AGBL1: variants seen among roughly 807,000 people sequenced by gnomAD.
The protein encoded by AGBL1 is AGBL carboxypeptidase 1, also known as cytosolic carboxypeptidase 4.
In AGBL1, 130 loss-of-function variants were observed where a neutral mutation model predicts 118.9. The ratio of observed to expected loss-of-function variants is 1.09; its 90% CI spans 0.95 to 1.26. The LOEUF (loss-of-function observed/expected upper bound fraction) is 1.26. AGBL1 is among the 50% of genes most tolerant of loss of function. AGBL1 has a pLI of 0.00. For missense variants in AGBL1, 1,584 were observed against 1,298.1 expected (o/e 1.22, Z -3.38); for synonymous variants, 555 against 478.9 (o/e 1.16, Z -2.08).
At chr15:86,608,337 G>A (rs1263646727) in intron 21 of AGBL1, among the ~76,000 whole-genome samples, 1 of 152,180 alleles carries the variant, frequency 6.6e-6, no homozygotes, top group South Asian at 2.1e-4. Flanking sequence ...GCAGAGAAGA[G>A]GGACTGCTCT....
chr15:86,641,778 C>A (rs2447255), intron 21 of AGBL1, among the ~76,000 whole-genome samples: 134,955 of 151,832 alleles, frequency 0.89, 60,155 homozygotes, highest in East Asian at 1. Flanking sequence ...CCTAAAAAAA[C>A]CCCACAGCTT....
chr15:86,325,110 T>C (rs2141850522), intron 17 of AGBL1, among the ~76,000 whole-genome samples: 1 of 152,248 alleles, frequency 6.6e-6, no homozygotes, highest in South Asian at 2.1e-4. Context: ...GTTTTAGAAA[T>C]GTGTCTCTTC....
At chr15:86,900,210 G>A (rs2080191565) in intron 22 of AGBL1, among the ~76,000 whole-genome samples, 1 of 152,130 alleles carries the variant, frequency 6.6e-6, no homozygotes, top group Non-Finnish European at 1.5e-5. Context: ...TCCTCAGCTT[G>A]TGGATGGCCT....
chr15:86,510,038 C>T (rs944130150), intron 18 of AGBL1, among the ~76,000 whole-genome samples: 4 of 151,214 alleles, frequency 2.6e-5, no homozygotes, highest in African/African-American at 4.9e-5. Flanking sequence ...TCCAGAATTC[C>T]AAGATGACTC....
Position 86,266,974 on chromosome 15 carries a change from C to G in AGBL1, c.1752-16C>G. On this transcript the variant is annotated splice_polypyrimidine_tract_variant and intron_variant, in intron 12 of 22. Coordinates refer to ENST00000614907, the MANE Select transcript of AGBL1 (RefSeq NM_001386094.1). ...GTGATAACACATATGTTCACATGTTCCTTATTTCATTGTAGGCCTTTGCAA... is the reference window on the plus strand; with the variant it reads ...GTGATAACACATATGTTCACATGTTGCTTATTTCATTGTAGGCCTTTGCAA... 1 of 1,541,808 alleles carries G rather than the reference C, an allele frequency of 6.5e-7. No homozygotes were observed. Among genetic ancestry groups the G allele is most frequent in the Non-Finnish European group, 8.8e-7 (1 of 1,134,078 alleles).
At chr15:86,949,731 G>A (rs921299943) in intron 23 of AGBL1, among the ~76,000 whole-genome samples, 12 of 151,934 alleles carry the variant, frequency 7.9e-5, no homozygotes, top group African/African-American at 2.4e-4. Flanking sequence ...TTTGAAATAT[G>A]TAAAGTAAAA....
chr15:86,233,052 G>A (rs1445555714), intron 6 of AGBL1, among the ~76,000 whole-genome samples: 1 of 152,210 alleles, frequency 6.6e-6, no homozygotes, highest in African/African-American at 2.4e-5. Flanking sequence ...TTACATGCAA[G>A]GAAGGTGTAA....
chr15:86,079,866 C>T (rs181824831), upstream of AGBL1: 133 of 785,304 alleles, frequency 1.7e-4, no homozygotes, highest in Non-Finnish European at 2.1e-4. Flanking sequence ...CTGAGGCCTC[C>T]GGGCAGTCGT....
chr15:86,494,083 T>C (rs2082817310), intron 18 of AGBL1, among the ~76,000 whole-genome samples: 1 of 152,066 alleles, frequency 6.6e-6, no homozygotes, highest in African/African-American at 2.4e-5. Context: ...CCTTGTGACG[T>C]TGGAGCATGG....
chr15:86,513,715 C>T (rs1490322726), intron 18 of AGBL1, among the ~76,000 whole-genome samples: 2 of 151,976 alleles, frequency 1.3e-5, no homozygotes, highest in Admixed American at 1.3e-4. Context: ...AATTGGAATT[C>T]TACTAAAATT....
chr15:86,089,755 A>T (rs553588699), intron 1 of AGBL1, among the ~76,000 whole-genome samples: 2 of 152,114 alleles, frequency 1.3e-5, no homozygotes, highest in African/African-American at 4.8e-5. Flanking sequence ...CCAGCCCTCT[A>T]AAGACAGAAT....
intron 3 of AGBL1, among the ~76,000 whole-genome samples, chr15:86,147,530 A>G (rs1287285719): frequency 1.3e-5 from 2 of 152,190 alleles, no homozygotes; most frequent in African/African-American, 4.8e-5. Context: ...TCTGACATCA[A>G]TCTGTGAGGC....
chr15:86,941,679 C>CTG (rs369853585), intron 23 of AGBL1, among the ~76,000 whole-genome samples: 150 of 152,286 alleles, frequency 9.8e-4, no homozygotes, highest in African/African-American at 3.4e-3. Context: ...TCCAGGAAAA[C>CTG]TTCACCAGGA....
At chr15:86,683,673 G>A (rs920215463) in intron 22 of AGBL1, among the ~76,000 whole-genome samples, 1 of 152,106 alleles carries the variant, frequency 6.6e-6, no homozygotes, top group African/African-American at 2.4e-5. Flanking sequence ...AATAGAATAG[G>A]CTACCAGCCC....
intron 17 of AGBL1, among the ~76,000 whole-genome samples, chr15:86,332,514 C>T (rs139941117): frequency 0.028 from 4,198 of 152,066 alleles, 80 homozygotes; most frequent in Middle Eastern, 0.065. Context: ...GGCGTGGCAA[C>T]AGGCGCCTGT....
chr15:86,660,124 G>A (rs570247332), intron 21 of AGBL1, among the ~76,000 whole-genome samples: 32 of 151,580 alleles, frequency 2.1e-4, no homozygotes, highest in Middle Eastern at 3.4e-3. Flanking sequence ...ACCTACTCCC[G>A]CAAGAAAGAC....
chr15:86,879,848 A>T (rs981793355), intron 22 of AGBL1, among the ~76,000 whole-genome samples: 10 of 152,152 alleles, frequency 6.6e-5, no homozygotes, highest in Non-Finnish European at 1.3e-4. Context: ...ATCTTTTGCC[A>T]CCATAGGGGA....
intron 5 of AGBL1, among the ~76,000 whole-genome samples, chr15:86,196,385 C>G (rs2077802898): frequency 6.6e-6 from 1 of 152,048 alleles, no homozygotes; most frequent in African/African-American, 2.4e-5. Context: ...TAGCAATATC[C>G]TTAAGAAGAG....
intron 7 of AGBL1, among the ~76,000 whole-genome samples, chr15:86,250,508 A>G (rs917363104): frequency 7.6e-6 from 1 of 131,134 alleles, no homozygotes; most frequent in Non-Finnish European, 1.6e-5. Context: ...TCTGGGCAAC[A>G]GAGTAAGACT....
Sources: gnomAD v4.1 joint callset for allele counts (sites outside exome capture counted in the v4.1 genomes callset) on GRCh38, gnomAD v4.1.1 for gene constraint, MANE v1.5 for transcripts, NCBI Gene and HGNC (gene_info 2026-07-23, HGNC 2026-07-21) for gene names.